FOCAD: variants seen among roughly 807,000 people sequenced by gnomAD.
The protein encoded by FOCAD is KIAA1797.
Under a neutral mutation model 225.6 loss-of-function variants are expected in FOCAD, and 198 were observed. That is an observed-to-expected ratio of 0.88 (90% CI 0.78 to 0.99). The LOEUF is 0.99. FOCAD is among the 50% of genes least tolerant of loss of function. The pLI is 0.00. For missense variants in FOCAD, 2,713 were observed against 2,123.6 expected (o/e 1.28, Z -5.46); for synonymous variants, 897 against 755.0 (o/e 1.19, Z -3.08).
At chr9:20,986,948 A>G (rs1841223519) in intron 40 of FOCAD, among the ~76,000 whole-genome samples, 1 of 152,228 alleles carries the variant, frequency 6.6e-6, no homozygotes, top group Non-Finnish European at 1.5e-5. Flanking sequence ...AAGCTCTGCT[A>G]ATGAATCACA....
rs531951439 is a variant in FOCAD at position 20,958,104 on chromosome 9, A to T, written c.4132+5039A>T. Among the ~76,000 whole-genome samples, 816 of 152,252 alleles carry T rather than the reference A, an allele frequency of 5.4e-3. 1 individual carries two copies. The highest frequency in any genetic ancestry group is 8.4e-3 in the Non-Finnish European group (572 of 68,024). The stretch of plus-strand genomic sequence containing the variant: ...AGGCAAACTGTGTCTGTAAGCTTTG[A>T]CCACTTCTGTAAAATGGAGAAAATA... On this transcript the variant is annotated intron_variant, in intron 35 of 43. Transcript: ENST00000338382.
At chr9:20,768,090 C>T (rs1347192294) in intron 7 of FOCAD, among the ~76,000 whole-genome samples, 1 of 149,778 alleles carries the variant, frequency 6.7e-6, no homozygotes, top group Non-Finnish European at 1.5e-5. Context: ...GGAATCCTTT[C>T]CCCATTGCTT....
At position 20,789,437 on chromosome 9, in the gene FOCAD, G is replaced by A. The variant is rs367694040; in HGVS notation, c.1284G>A (p.Ser428=). 25 of 1,613,820 alleles carry A rather than the reference G, an allele frequency of 1.5e-5. No individual in the cohort carries two copies. Among genetic ancestry groups the A allele is most frequent in the African/African-American group, 1.3e-4 (10 of 74,864 alleles). ...AWRILEVMTD[S]SAASDWLASV... is the part of the protein sequence containing the mutation. The stretch of plus-strand genomic sequence containing the variant: ...GGATTCTTGAAGTAATGACAGACTC[G>A]TCTGCTGCAAGTGACTGGTTGGCTT... The change falls in exon 11 of 44, where the codon TCG becomes TCA. Residue 428 remains serine (S), a synonymous_variant. Coordinates refer to ENST00000338382, the MANE Select transcript of FOCAD (RefSeq NM_001375567.1).
intron 1 of FOCAD, among the ~76,000 whole-genome samples, chr9:20,713,115 C>T (rs1205839889): frequency 6.6e-6 from 1 of 152,150 alleles, no homozygotes; most frequent in Non-Finnish European, 1.5e-5. Context: ...CCACTTGGTA[C>T]CCCAAGTGAT....
At chr9:20,700,987 C>G (rs1353149131) in intron 1 of FOCAD, among the ~76,000 whole-genome samples, 1 of 152,158 alleles carries the variant, frequency 6.6e-6, no homozygotes, top group African/African-American at 2.4e-5. Flanking sequence ...TCTGATTCTT[C>G]TTTACTGGCA....
intron 3 of FOCAD, among the ~76,000 whole-genome samples, chr9:20,719,185 A>C (rs1431082039): frequency 6.6e-6 from 1 of 151,882 alleles, no homozygotes; most frequent in Non-Finnish European, 1.5e-5. Context: ...GGGTTCAAGC[A>C]GTTCTCATAT....
At chr9:20,796,038 C>T (rs1192412537) in intron 11 of FOCAD, among the ~76,000 whole-genome samples, 2 of 141,774 alleles carry the variant, frequency 1.4e-5, no homozygotes, top group African/African-American at 5.1e-5. Context: ...TTGTTCAATT[C>T]CCACCTATGA....
At chr9:20,658,804 G>C (rs1821609032) in exon 2 of FOCAD, 1 of 154,084 alleles carries the variant, frequency 6.5e-6, no homozygotes, top group African/African-American at 2.4e-5. Flanking sequence ...GCTCCTCCCT[G>C]CAACTAACTC....
At chr9:20,734,030 A>G (rs1433210319) in intron 4 of FOCAD, among the ~76,000 whole-genome samples, 2 of 152,174 alleles carry the variant, frequency 1.3e-5, no homozygotes, top group Non-Finnish European at 2.9e-5. Flanking sequence ...ACAAACAAAC[A>G]AAAAAAGTCT....
intron 21 of FOCAD, 172 bp downstream of exon 21, chr9:20,885,402 G>C (rs1831029327): frequency 2.0e-6 from 1 of 506,600 alleles, no homozygotes; most frequent in African/African-American, 2.0e-5. Flanking sequence ...ATGTATTTCT[G>C]AAAGAAACTG....
In FOCAD at chr9:20,815,143, T is replaced by G. The variant is rs565910367; in HGVS notation, c.1456-4653T>G. On this transcript the variant is annotated intron_variant, in intron 11 of 43. Coordinates refer to ENST00000338382, the MANE Select transcript of FOCAD (RefSeq NM_001375567.1). ...TCTTTGTTTTTTTTTTTTTGTTTTT[T>G]TTTTTTTTTTTGAGACAGTCTCGCT... is the stretch of plus-strand genomic sequence containing the variant. Among the ~76,000 whole-genome samples, 8 of 123,764 alleles carry G rather than the reference T, an allele frequency of 6.5e-5. 1 individual carries two copies. In the South Asian group the frequency reaches 8.9e-4, roughly 14 times the overall value. 81.2% of individuals were successfully genotyped at this position (123,764 alleles called of 152,430 possible).
chr9:20,868,254 C>T (rs1829461854), intron 18 of FOCAD, among the ~76,000 whole-genome samples: 4 of 152,078 alleles, frequency 2.6e-5, no homozygotes, highest in Admixed American at 2.6e-4. Context: ...TGGAGAGGCA[C>T]CTTTTATTCT....
At chr9:20,689,602 G>T (rs1293853044) in intron 1 of FOCAD, among the ~76,000 whole-genome samples, 1 of 152,120 alleles carries the variant, frequency 6.6e-6, no homozygotes, top group Non-Finnish European at 1.5e-5. Flanking sequence ...TAGTGAAGAG[G>T]CTGAGGATAT....
At position 20,906,920 on chromosome 9, in the gene FOCAD, C is replaced by T. The variant is rs186889924; in HGVS notation, c.2626-230C>T. On this transcript the variant is annotated intron_variant, in intron 21 of 43. Transcript: ENST00000338382. ...TGTTATTATTGTAGGATTTTATTTG[C>T]TTCAATTTACAAAATTCTAGGCTTA... Among the ~76,000 whole-genome samples, 407 of 152,060 alleles carry T rather than the reference C, an allele frequency of 2.7e-3. 7 individuals are homozygous for T. Among genetic ancestry groups the T allele is most frequent in the Non-Finnish European group, 3.7e-3 (252 of 67,938 alleles).
At chr9:20,665,931 G>A (rs1266458483) in intron 2 of FOCAD, among the ~76,000 whole-genome samples, 1 of 151,924 alleles carries the variant, frequency 6.6e-6, no homozygotes, top group Non-Finnish European at 1.5e-5. Context: ...GTCTCGCTCT[G>A]TCACCGAGGT....
chr9:20,951,434 A>G (rs1039884236), intron 34 of FOCAD, among the ~76,000 whole-genome samples: 5 of 152,170 alleles, frequency 3.3e-5, no homozygotes, highest in African/African-American at 1.2e-4. Context: ...GAAAGATTAC[A>G]TGAGTTACAT....
intron 2 of FOCAD, among the ~76,000 whole-genome samples, chr9:20,674,741 G>A (rs999414884): frequency 6.6e-6 from 1 of 152,216 alleles, no homozygotes; most frequent in African/African-American, 2.4e-5. Context: ...TGTATAATCA[G>A]TGTTTAGCAT....
chr9:20,749,474 T>C (rs1447060591), intron 5 of FOCAD, among the ~76,000 whole-genome samples: 2 of 152,218 alleles, frequency 1.3e-5, no homozygotes, highest in Non-Finnish European at 2.9e-5. Context: ...ATATTCATGG[T>C]GGAATCTTCA....
chr9:20,993,197 T>C, intron 42 of FOCAD, 56 bp from the exon 43 acceptor site: 2 of 1,422,534 alleles, frequency 1.4e-6, no homozygotes, highest in Non-Finnish European at 2.0e-6. Flanking sequence ...GAATAACTGT[T>C]CTTTTGCTGA....
Sources: gnomAD v4.1 joint callset for allele counts (sites outside exome capture counted in the v4.1 genomes callset) on GRCh38, gnomAD v4.1.1 for gene constraint, MANE v1.5 for transcripts, NCBI Gene and HGNC (gene_info 2026-07-23, HGNC 2026-07-21) for gene names.